Variants in SDHA observed in about 807,000 individuals in gnomAD.
SDHA encodes the protein succinate dehydrogenase [ubiquinone] flavoprotein subunit, mitochondrial.
SDHA carries 48 observed loss-of-function variants against 78.4 expected under a neutral mutation model. The observed-to-expected ratio is 0.61, with a 90% confidence interval of 0.49 to 0.78. The LOEUF (loss-of-function observed/expected upper bound fraction) is 0.78. SDHA is among the 30% of genes least tolerant of loss of function. The pLI is 0.00. For synonymous variants in SDHA, 326 were observed against 353.9 expected (o/e 0.92, Z 0.88); for missense variants, 680 against 892.7 (o/e 0.76, Z 3.04).
intron 11 of SDHA, among the ~76,000 whole-genome samples, chr5:244,824 A>G (rs1258734219): frequency 2.0e-5 from 3 of 152,232 alleles, no homozygotes; most frequent in Non-Finnish European, 4.4e-5. Flanking sequence ...GAGATTTATT[A>G]CAACGATGGG....
At chr5:251,203 G>A in intron 12 of SDHA, 100 bp downstream of exon 12, 1 of 1,485,214 alleles carries the variant, frequency 6.7e-7, no homozygotes, top group Non-Finnish European at 9.4e-7. Flanking sequence ...CGTGCTTGCT[G>A]TCTGGATGGG....
Position 235,211 on chromosome 5 carries a change from A to G in SDHA, c.1132A>G (p.Thr378Ala), listed in dbSNP as rs1224187912. 2.5e-6 allele frequency: 4 copies of G among 1,613,866 alleles called. No homozygotes were observed. Among genetic ancestry groups the G allele is most frequent in the African/African-American group, 2.7e-5 (2 of 74,922 alleles). ...CCACCTACCTCCAGAGCAGCTGGCC[A>G]CGCGCCTGCCTGGCATTTCAGAGAC... ...LHHLPPEQLATRLPGISETAM... is the reference protein window; with the variant it reads ...LHHLPPEQLAARLPGISETAM... The change falls in exon 9 of 15, where the codon ACG (threonine) becomes GCG (alanine). Residue 378 changes from threonine to alanine, a missense_variant. Thr to Ala is a moderately conservative substitution (Grantham distance 58). Transcript: ENST00000264932.
chr5:229,791 C>G lies in SDHA; in HGVS notation c.771-1085C>G, dbSNP rs113832454. 1.1e-3 allele frequency among the ~76,000 whole-genome samples: 148 copies of G among 139,152 alleles called. 2 individuals carry two copies. The highest frequency in any genetic ancestry group is 4.1e-3 in the African/African-American group (138 of 34,016). 91.3% of individuals were successfully genotyped at this position (139,152 alleles called of 152,430 possible). ...GAGTTAACATTATACAGCATGGTGG[C>G]TAGAGTTAACATTATACAGCATGGT... On this transcript the variant is annotated intron_variant, in intron 6 of 14. Transcript: ENST00000264932.
At chr5:242,683 A>G in intron 11 of SDHA, among the ~76,000 whole-genome samples, 1 of 152,102 alleles carries the variant, frequency 6.6e-6, no homozygotes, top group East Asian at 1.9e-4. Flanking sequence ...GCTCGAATCT[A>G]GGTCGAAGGG....
intron 7 of SDHA, among the ~76,000 whole-genome samples, chr5:232,534 A>G (rs1735476232): frequency 2.0e-5 from 3 of 151,880 alleles, no homozygotes; most frequent in Admixed American, 1.3e-4. Flanking sequence ...TGTATTTTTT[A>G]TTACTGTTTT....
chr5:258,352 T>G (rs1374943707), downstream of SDHA, among the ~76,000 whole-genome samples: 3 of 87,494 alleles, frequency 3.4e-5, no homozygotes, highest in Non-Finnish European at 5.9e-5. Context: ...GTGTGTGAGC[T>G]CCTCCTCCTG....
rs1328479477 is a variant in SDHA, at chr5:237,303, A to G, written c.1432+704A>G. Reference sequence around the variant, plus strand: ...ATATGTAACTTCTTGGTACTTAGAAAAGTAATTTAGGCCATTCTAGAAACA... The same window carrying G: ...ATATGTAACTTCTTGGTACTTAGAAGAGTAATTTAGGCCATTCTAGAAACA... On this transcript the variant is annotated intron_variant, in intron 10 of 14. Coordinates refer to ENST00000264932, the MANE Select transcript of SDHA (RefSeq NM_004168.4). Among the ~76,000 whole-genome samples the G allele has an allele frequency of 3.7e-5, 5 of 135,092 alleles. 2 individuals carry two copies. Among genetic ancestry groups the G allele is most frequent in the Admixed American group, 1.4e-4 (2 of 14,000 alleles). The allele number at this position is 135,092 out of a possible 152,430, so 88.6% of individuals were successfully genotyped here.
intron 7 of SDHA, among the ~76,000 whole-genome samples, chr5:231,925 C>T (rs1401022624): frequency 2.6e-5 from 4 of 152,176 alleles, no homozygotes; most frequent in Admixed American, 6.5e-5. Context: ...GGACGTCTGA[C>T]GGTTGAGGTT....
At chr5:240,713 A>G (rs950455557) in intron 11 of SDHA, among the ~76,000 whole-genome samples, 11 of 151,368 alleles carry the variant, frequency 7.3e-5, no homozygotes, top group African/African-American at 2.7e-4. Context: ...AGTCTCTGCT[A>G]CTCCACTCCA....
intron 1 of SDHA, among the ~76,000 whole-genome samples, chr5:221,234 T>G (rs1579375616): frequency 6.6e-6 from 1 of 152,390 alleles, no homozygotes; most frequent in Non-Finnish European, 1.5e-5. Flanking sequence ...TCATTTTCCA[T>G]GAAAGCAATT....
rs1553998629 is a variant in SDHA, at chr5:230,928, G to A, written c.823G>A (p.Asp275Asn). The change falls in exon 7 of 15, where the codon GAC (aspartate) becomes AAC (asparagine). Residue 275 changes from aspartate to asparagine, a missense_variant. Transcript: ENST00000264932. The stretch of plus-strand genomic sequence containing the variant: ...CACGTCTGCCCACACCAGCACTGGC[G>A]ACGGCACGGCCATGATCACCAGGGC... ...SCTSAHTSTG[D>N]GTAMITRAGL... The A allele has an allele frequency of 2.5e-6, 4 of 1,614,030 alleles. No homozygotes were observed. The highest frequency in any genetic ancestry group is 3.4e-6 in the Non-Finnish European group (4 of 1,179,910).
intron 13 of SDHA, among the ~76,000 whole-genome samples, chr5:252,724 C>T (rs796096906): frequency 6.9e-6 from 1 of 145,476 alleles, no homozygotes; most frequent in African/African-American, 2.6e-5. Context: ...GAGGAAATGC[C>T]AGTTTATTAA....
intron 11 of SDHA, among the ~76,000 whole-genome samples, chr5:241,074 A>G (rs1385863131): frequency 2.0e-5 from 3 of 152,090 alleles, no homozygotes; most frequent in South Asian, 4.1e-4. Context: ...GGCCTGAACT[A>G]TACAGAAGTG....
chr5:225,240 AG>A (rs1734938491), intron 3 of SDHA, among the ~76,000 whole-genome samples, 178 bp from the exon 4 acceptor site: 1 of 151,836 alleles, frequency 6.6e-6, no homozygotes, highest in Non-Finnish European at 1.5e-5. Context: ...CGAGTCGGGG[AG>A]GGGTTGTGAT....
intron 14 of SDHA, 43 bp downstream of exon 14, chr5:254,549 G>A: frequency 5.3e-6 from 8 of 1,517,622 alleles, no homozygotes; most frequent in South Asian, 2.4e-5. Flanking sequence ...GCACCCACAC[G>A]GCCCCGCCCA....
At chr5:267,847 A>G in the SDHA span, among the ~76,000 whole-genome samples, 1 of 152,250 alleles carries the variant, frequency 6.6e-6, no homozygotes, top group Admixed American at 6.5e-5. Flanking sequence ...TGATTGGGTC[A>G]GCAGAACCAG....
At chr5:266,727 G>A in the SDHA span, among the ~76,000 whole-genome samples, 1 of 96,936 alleles carries the variant, frequency 1.0e-5, no homozygotes, top group Non-Finnish European at 1.9e-5. Flanking sequence ...GTCTAAGACA[G>A]TCAGACCTGC....
chr5:263,521 G>A, the SDHA span, among the ~76,000 whole-genome samples: 55 of 152,340 alleles, frequency 3.6e-4, 1 homozygote, highest in East Asian at 9.2e-3. Flanking sequence ...AAGCAGATCC[G>A]TGGTTCCCTG....
chr5:247,632 G>A (rs1736541605), intron 11 of SDHA, among the ~76,000 whole-genome samples: 1 of 152,226 alleles, frequency 6.6e-6, no homozygotes, highest in Admixed American at 6.5e-5. Context: ...GGAAATGGAT[G>A]TCACACATGT....
Sources: gnomAD v4.1 joint callset for allele counts (sites outside exome capture counted in the v4.1 genomes callset) on GRCh38, gnomAD v4.1.1 for gene constraint, MANE v1.5 for transcripts, NCBI Gene and HGNC (gene_info 2026-07-23, HGNC 2026-07-21) for gene names.